MLLT3: variants seen among roughly 807,000 people sequenced by gnomAD.
MLLT3 encodes the protein MLLT3 super elongation complex subunit, also known as protein AF-9.
In MLLT3, 4 loss-of-function variants were observed where a neutral mutation model predicts 53.2. The observed-to-expected ratio is 0.08, with a 90% CI of 0.04 to 0.17. MLLT3 has a LOEUF of 0.17. Among genes scored for constraint, MLLT3 ranks in the 10% least tolerant of loss-of-function variants. The pLI, the probability that MLLT3 is intolerant of heterozygous loss-of-function variation, is 1.00. For synonymous variants in MLLT3, 283 were observed against 230.6 expected (o/e 1.23, Z -2.06); for missense variants, 569 against 684.0 (o/e 0.83, Z 1.87).
intron 2 of MLLT3, among the ~76,000 whole-genome samples, chr9:20,470,988 AT>A (rs1824376464): frequency 6.6e-6 from 1 of 152,032 alleles, no homozygotes; most frequent in African/African-American, 2.4e-5. Context: ...GGTATGATTT[AT>A]TTAACACCTT....
chr9:20,614,488 T>A (rs1008932627), intron 2 of MLLT3, among the ~76,000 whole-genome samples: 55 of 152,028 alleles, frequency 3.6e-4, no homozygotes, highest in Non-Finnish European at 5.9e-4. Context: ...AAGCACACAC[T>A]TGTTGAATGA....
intron 2 of MLLT3, among the ~76,000 whole-genome samples, chr9:20,586,663 C>T (rs1819972045): frequency 1.4e-5 from 2 of 142,164 alleles, no homozygotes; most frequent in Admixed American, 1.4e-4. Flanking sequence ...CAATTTAAAG[C>T]CCCTAATAAA....
intron 2 of MLLT3, among the ~76,000 whole-genome samples, chr9:20,582,749 T>C (rs1404348724): frequency 6.6e-6 from 1 of 152,140 alleles, no homozygotes. Context: ...TCAGATCTTG[T>C]GAGACATACT....
chr9:20,483,159 C>T (rs1824708492), intron 2 of MLLT3, among the ~76,000 whole-genome samples: 1 of 152,086 alleles, frequency 6.6e-6, no homozygotes, highest in African/African-American at 2.4e-5. Context: ...CCCAGTAATC[C>T]ATATTAACGC....
At chr9:20,585,754 G>T (rs761551889) in intron 2 of MLLT3, among the ~76,000 whole-genome samples, 5 of 152,144 alleles carry the variant, frequency 3.3e-5, no homozygotes. Context: ...ATTTCCCAGT[G>T]TGGTCTCATG....
intron 7 of MLLT3, among the ~76,000 whole-genome samples, chr9:20,362,340 C>T (rs562329429): frequency 6.6e-6 from 1 of 152,136 alleles, no homozygotes; most frequent in Non-Finnish European, 1.5e-5. Flanking sequence ...ATAGGTCATA[C>T]GTTTTTCATC....
intron 2 of MLLT3, among the ~76,000 whole-genome samples, chr9:20,582,894 C>A (rs1819836439): frequency 6.6e-6 from 1 of 152,128 alleles, no homozygotes; most frequent in African/African-American, 2.4e-5. Flanking sequence ...CAAACTATAT[C>A]ATTCCACCCC....
intron 5 of MLLT3, among the ~76,000 whole-genome samples, chr9:20,393,427 A>C (rs1046321070): frequency 6.6e-6 from 1 of 152,170 alleles, no homozygotes; most frequent in Admixed American, 6.5e-5. Flanking sequence ...CTGGATGCTG[A>C]TTGTTGCATT....
At chr9:20,563,123 C>G (rs910003724) in intron 2 of MLLT3, among the ~76,000 whole-genome samples, 5 of 152,052 alleles carry the variant, frequency 3.3e-5, no homozygotes, top group African/African-American at 1.2e-4. Context: ...AAGAAGCACA[C>G]TAGGCAGAAT....
intron 5 of MLLT3, among the ~76,000 whole-genome samples, chr9:20,392,207 T>A (rs559152631): frequency 2.0e-5 from 3 of 152,302 alleles, no homozygotes; most frequent in African/African-American, 7.2e-5. Flanking sequence ...ATAATTACTA[T>A]GTGTCTTCCC....
chr9:20,402,595 G>A (rs1822483370), intron 5 of MLLT3, among the ~76,000 whole-genome samples: 1 of 152,144 alleles, frequency 6.6e-6, no homozygotes, highest in South Asian at 2.1e-4. Context: ...TTTTTATTAT[G>A]AAACAATACT....
intron 2 of MLLT3, among the ~76,000 whole-genome samples, chr9:20,617,546 T>TA (rs1168967627): frequency 6.6e-6 from 1 of 152,154 alleles, no homozygotes; most frequent in African/African-American, 2.4e-5. Flanking sequence ...CACATCATAC[T>TA]AAAAACAAAA....
At chr9:20,365,426 G>GC (rs1821425574) in intron 6 of MLLT3, among the ~76,000 whole-genome samples, 1 of 151,918 alleles carries the variant, frequency 6.6e-6, no homozygotes, top group African/African-American at 2.4e-5. Flanking sequence ...TGCAACTTCC[G>GC]CCCCAGGTCC....
In MLLT3 at chr9:20,426,384, C is replaced by A. The variant is rs77733808; in HGVS notation, c.421-11959G>T. Among the ~76,000 whole-genome samples the A allele has an allele frequency of 5.8e-3, 887 of 152,164 alleles. 3 individuals carry two copies. The highest frequency in any genetic ancestry group is 0.01 in the Middle Eastern group (3 of 294). ...TACTAGCTTGATTTCTGATAATTAG[C>A]CTTGATAAATAATCGTTAAATAACA... On this transcript the variant is annotated intron_variant, in intron 4 of 10. Coordinates refer to ENST00000380338, the MANE Select transcript of MLLT3 (RefSeq NM_004529.4).
At chr9:20,534,288 G>A (rs1040301401) in intron 2 of MLLT3, among the ~76,000 whole-genome samples, 5 of 152,190 alleles carry the variant, frequency 3.3e-5, no homozygotes, top group South Asian at 2.1e-4. Flanking sequence ...CAATGGCAAC[G>A]ATGGGAAAAA....
intron 5 of MLLT3, 33 bp from the exon 6 acceptor site, chr9:20,365,777 A>C (rs1821435329): frequency 6.2e-7 from 1 of 1,608,050 alleles, no homozygotes; most frequent in African/African-American, 1.3e-5. Flanking sequence ...ACCATCAATA[A>C]ATTTACGGGA....
At chr9:20,504,596 G>C (rs1336600876) in intron 2 of MLLT3, among the ~76,000 whole-genome samples, 1 of 152,104 alleles carries the variant, frequency 6.6e-6, no homozygotes, top group Non-Finnish European at 1.5e-5. Flanking sequence ...GGCAGGTGGA[G>C]AGTTGGGGAG....
intron 5 of MLLT3, among the ~76,000 whole-genome samples, chr9:20,396,979 C>T (rs1047577795): frequency 2.0e-5 from 3 of 152,094 alleles, no homozygotes; most frequent in African/African-American, 7.2e-5. Context: ...TTTGCTTTAA[C>T]TGAAAATTTA....
At chr9:20,537,170 T>C (rs1488014836) in intron 2 of MLLT3, among the ~76,000 whole-genome samples, 1 of 152,184 alleles carries the variant, frequency 6.6e-6, no homozygotes, top group Non-Finnish European at 1.5e-5. Context: ...TAAAATATTA[T>C]ACATTCTGAA....
Sources: gnomAD v4.1 joint callset for allele counts (sites outside exome capture counted in the v4.1 genomes callset) on GRCh38, gnomAD v4.1.1 for gene constraint, MANE v1.5 for transcripts, NCBI Gene and HGNC (gene_info 2026-07-23, HGNC 2026-07-21) for gene names.